The following SAMTOR variants were observed in gnomAD, a reference collection of about 807,000 sequenced individuals.
The protein encoded by SAMTOR is UPF0532 protein C7orf60.
At chr7:112,822,169 C>T in the SAMTOR span, 1 of 1,613,804 alleles carries the variant, frequency 6.2e-7, no homozygotes, top group Non-Finnish European at 8.5e-7. Context: ...ACTAACAGTT[C>T]ATGGGCTTTC....
chr7:112,824,620 C>T, the SAMTOR span, among the ~76,000 whole-genome samples: 1 of 152,130 alleles, frequency 6.6e-6, no homozygotes, highest in South Asian at 2.1e-4. Context: ...CTTGGCCTCC[C>T]AAAGTGCTGG....
At chr7:112,870,744 T>C in the SAMTOR span, among the ~76,000 whole-genome samples, 2 of 147,030 alleles carry the variant, frequency 1.4e-5, no homozygotes, top group Admixed American at 6.7e-5. Flanking sequence ...AAGTTGGAAA[T>C]TGGATTAAAA....
At chr7:112,932,302 A>G in the SAMTOR span, among the ~76,000 whole-genome samples, 1 of 152,312 alleles carries the variant, frequency 6.6e-6, no homozygotes, top group East Asian at 1.9e-4. Flanking sequence ...AGAACAAATA[A>G]AGATACCATA....
At chr7:112,918,878 A>C in the SAMTOR span, among the ~76,000 whole-genome samples, 49 of 152,354 alleles carry the variant, frequency 3.2e-4, no homozygotes, top group South Asian at 9.9e-3. Flanking sequence ...TAAAGGGATG[A>C]ATTCAACAAG....
At chr7:112,874,520 TA>T in the SAMTOR span, among the ~76,000 whole-genome samples, 2 of 151,940 alleles carry the variant, frequency 1.3e-5, no homozygotes, top group Non-Finnish European at 2.9e-5. Flanking sequence ...GGGTAAGGGA[TA>T]AAAAACTTCC....
At chr7:112,856,724 G>A in the SAMTOR span, among the ~76,000 whole-genome samples, 1 of 151,962 alleles carries the variant, frequency 6.6e-6, no homozygotes, top group Non-Finnish European at 1.5e-5. Context: ...AAAACTACGT[G>A]ATGTAAAAAT....
the SAMTOR span, among the ~76,000 whole-genome samples, chr7:112,900,876 C>A: frequency 6.6e-6 from 1 of 152,154 alleles, no homozygotes; most frequent in East Asian, 1.9e-4. Context: ...AGACCTTACA[C>A]CTTTGACAAA....
the SAMTOR span, among the ~76,000 whole-genome samples, chr7:112,917,883 A>C: frequency 6.6e-6 from 1 of 152,294 alleles, no homozygotes; most frequent in African/African-American, 2.4e-5. Context: ...TGAAGCGAGA[A>C]GGGAAGTTTA....
At chr7:112,889,798 T>C in the SAMTOR span, among the ~76,000 whole-genome samples, 1 of 152,172 alleles carries the variant, frequency 6.6e-6, no homozygotes, top group African/African-American at 2.4e-5. Context: ...TGCCTGGAGC[T>C]GCTCTCACCA....
the SAMTOR span, among the ~76,000 whole-genome samples, chr7:112,911,608 A>G: frequency 6.6e-6 from 1 of 152,188 alleles, no homozygotes; most frequent in African/African-American, 2.4e-5. Context: ...CAGATAAGAC[A>G]TGTTAGAATA....
chr7:112,822,027 T>A, the SAMTOR span: 1 of 1,613,774 alleles, frequency 6.2e-7, no homozygotes, highest in Non-Finnish European at 8.5e-7. Context: ...CAGATGCATA[T>A]GTGAAAATTT....
chr7:112,904,350 A>G, the SAMTOR span, among the ~76,000 whole-genome samples: 1 of 152,180 alleles, frequency 6.6e-6, no homozygotes, highest in African/African-American at 2.4e-5. Context: ...AAATTATACA[A>G]TTGCAATGCA....
the SAMTOR span, among the ~76,000 whole-genome samples, chr7:112,839,942 T>C: frequency 6.6e-6 from 1 of 151,928 alleles, no homozygotes; most frequent in Non-Finnish European, 1.5e-5. Context: ...CATAAGAGCA[T>C]AAATTGGATT....
At chr7:112,869,876 A>C in the SAMTOR span, among the ~76,000 whole-genome samples, 5 of 152,328 alleles carry the variant, frequency 3.3e-5, no homozygotes, top group Non-Finnish European at 7.4e-5. Context: ...ACCAACCAGA[A>C]CATCTGGAAT....
At chr7:112,856,589 T>A in the SAMTOR span, among the ~76,000 whole-genome samples, 2 of 152,188 alleles carry the variant, frequency 1.3e-5, no homozygotes, top group African/African-American at 4.8e-5. Flanking sequence ...CCTCTGCATA[T>A]CTTTTTTGCT....
At chr7:112,881,709 A>C in the SAMTOR span, among the ~76,000 whole-genome samples, 2 of 152,190 alleles carry the variant, frequency 1.3e-5, no homozygotes, top group Non-Finnish European at 2.9e-5. Context: ...GACACTTGTC[A>C]GGACAACCTG....
chr7:112,825,746 T>A, the SAMTOR span, among the ~76,000 whole-genome samples: 1 of 152,194 alleles, frequency 6.6e-6, no homozygotes, highest in Non-Finnish European at 1.5e-5. Context: ...AACATCCTTA[T>A]CTTGTTTTTG....
the SAMTOR span, among the ~76,000 whole-genome samples, chr7:112,918,148 G>A: frequency 1.3e-5 from 2 of 152,180 alleles, no homozygotes; most frequent in African/African-American, 4.8e-5. Flanking sequence ...ATAGTTGTCA[G>A]ATTCGCCAAA....
the SAMTOR span, among the ~76,000 whole-genome samples, chr7:112,920,864 A>T: frequency 2.0e-5 from 3 of 152,138 alleles, no homozygotes; most frequent in Non-Finnish European, 4.4e-5. Flanking sequence ...AAAGAGAATA[A>T]AATACCTAGG....
Sources: allele counts gnomAD v4.1 joint callset (sites outside exome capture counted in the v4.1 genomes callset), GRCh38; gene constraint gnomAD v4.1.1; transcripts MANE v1.5; gene names NCBI Gene and HGNC (gene_info 2026-07-23, HGNC 2026-07-21).